Variants in KLF12 observed in about 807,000 individuals in gnomAD.
KLF12 encodes KLF transcription factor 12.
Under a neutral mutation model 37.8 loss-of-function variants are expected in KLF12, and 9 were observed. That is an observed-to-expected ratio of 0.24 (90% CI 0.14 to 0.42). The LOEUF (loss-of-function observed/expected upper bound fraction) is 0.42, where lower values mean the gene tolerates loss of function less well. KLF12 is among the 10% of genes least tolerant of loss of function. KLF12 has a pLI of 1.00. For missense variants in KLF12, 411 were observed against 516.0 expected (o/e 0.80, Z 1.97); for synonymous variants, 208 against 202.1 (o/e 1.03, Z -0.25).
chr13:74,164,754 G>T, the KLF12 span, among the ~76,000 whole-genome samples: 1 of 152,102 alleles, frequency 6.6e-6, no homozygotes, highest in Non-Finnish European at 1.5e-5. Flanking sequence ...CAATAAAATG[G>T]GATCATCCAG....
intron 2 of KLF12, among the ~76,000 whole-genome samples, chr13:73,961,114 C>T (rs1891010889): frequency 6.6e-6 from 1 of 152,026 alleles, no homozygotes; most frequent in Non-Finnish European, 1.5e-5. Context: ...CTTATAATCA[C>T]AACAATTAGA....
intron 1 of KLF12, among the ~76,000 whole-genome samples, chr13:74,107,307 T>G (rs1876710775): frequency 6.6e-6 from 1 of 152,212 alleles, no homozygotes; most frequent in African/African-American, 2.4e-5. Context: ...ACACATGTAT[T>G]CCCAGTTCGG....
At chr13:73,816,275 C>T (rs1883211140) in intron 4 of KLF12, among the ~76,000 whole-genome samples, 1 of 152,098 alleles carries the variant, frequency 6.6e-6, no homozygotes, top group Non-Finnish European at 1.5e-5. Context: ...CTGGCATGCC[C>T]ATTTAAAGAC....
At chr13:73,883,257 A>G (rs753695848) in intron 3 of KLF12, among the ~76,000 whole-genome samples, 15 of 152,334 alleles carry the variant, frequency 9.8e-5, no homozygotes, top group Admixed American at 2.0e-4. Context: ...AGTTATTTGC[A>G]TGAGAAAAAA....
intron 1 of KLF12, among the ~76,000 whole-genome samples, chr13:74,051,540 C>G (rs1229232105): frequency 6.6e-6 from 1 of 152,050 alleles, no homozygotes; most frequent in Non-Finnish European, 1.5e-5. Flanking sequence ...AGTGAAACAG[C>G]AGAGGTGTCT....
intron 3 of KLF12, among the ~76,000 whole-genome samples, chr13:73,870,491 A>C (rs929956946): frequency 6.6e-6 from 1 of 152,200 alleles, no homozygotes; most frequent in Admixed American, 6.5e-5. Flanking sequence ...ATTCTGACAT[A>C]GAGATAAAAA....
intron 4 of KLF12, among the ~76,000 whole-genome samples, chr13:73,832,829 C>A (rs1367343505): frequency 1.3e-5 from 2 of 152,128 alleles, no homozygotes; most frequent in East Asian, 3.9e-4. Context: ...CTACAAACAC[C>A]AAAAACTGAT....
chr13:73,770,253 GATGATTTAGGTTACTCTAGATGTT>G (rs1880183767), intron 5 of KLF12, among the ~76,000 whole-genome samples: 1 of 152,050 alleles, frequency 6.6e-6, no homozygotes. Flanking sequence ...AAGTTCTCCT[GATGATTTAGGTTACTCTAGATGTT>G]ATTTTAATAT....
intron 1 of KLF12, among the ~76,000 whole-genome samples, chr13:74,112,217 T>C (rs892769211): frequency 4.0e-5 from 6 of 151,824 alleles, no homozygotes; most frequent in Admixed American, 6.6e-5. Flanking sequence ...TGTGTGTGTG[T>C]GTGTGTATGA....
chr13:73,735,700 A>G (rs764973532), intron 6 of KLF12, among the ~76,000 whole-genome samples: 6 of 152,246 alleles, frequency 3.9e-5, no homozygotes, highest in Non-Finnish European at 8.8e-5. Context: ...ATGGTAGCTC[A>G]TCTTCATCAA....
chr13:74,048,663 A>G (rs1893609796), intron 1 of KLF12, among the ~76,000 whole-genome samples: 1 of 152,200 alleles, frequency 6.6e-6, no homozygotes. Context: ...GAAACCCAAC[A>G]AAGCCCTGGT....
At chr13:74,266,906 A>C in the KLF12 span, among the ~76,000 whole-genome samples, 1 of 152,302 alleles carries the variant, frequency 6.6e-6, no homozygotes, top group Non-Finnish European at 1.5e-5. Context: ...AGAAGCTTAG[A>C]AGTAACAAGA....
chr13:74,248,334 G>A, the KLF12 span, among the ~76,000 whole-genome samples: 1 of 152,164 alleles, frequency 6.6e-6, no homozygotes, highest in Admixed American at 6.5e-5. Flanking sequence ...CTCTGCTGAT[G>A]CTTGGATGCA....
intron 2 of KLF12, among the ~76,000 whole-genome samples, chr13:73,973,974 C>A (rs923934713): frequency 6.6e-6 from 1 of 151,916 alleles, no homozygotes; most frequent in Non-Finnish European, 1.5e-5. Context: ...ACAATAAAAA[C>A]AGCATGGAAA....
the KLF12 span, among the ~76,000 whole-genome samples, chr13:74,175,103 C>T: frequency 6.6e-6 from 1 of 152,184 alleles, no homozygotes; most frequent in African/African-American, 2.4e-5. Context: ...GGAAATTAAT[C>T]TTGCTTCCAT....
At chr13:74,256,804 A>T in the KLF12 span, 1 of 152,090 alleles carries the variant, frequency 6.6e-6, no homozygotes, top group African/African-American at 2.4e-5. Context: ...TCCCGATTTT[A>T]ATCACTGTTT....
intron 7 of KLF12, among the ~76,000 whole-genome samples, chr13:73,710,197 T>C (rs1332923815): frequency 6.6e-6 from 1 of 152,164 alleles, no homozygotes; most frequent in Non-Finnish European, 1.5e-5. Flanking sequence ...CAACATGGCA[T>C]GTTTAGGTTT....
chr13:73,836,385 G>A (rs1386482656), intron 4 of KLF12, among the ~76,000 whole-genome samples: 1 of 152,150 alleles, frequency 6.6e-6, no homozygotes, highest in East Asian at 1.9e-4. Context: ...CAGCCACAGA[G>A]TTGTAAATTA....
intron 1 of KLF12, among the ~76,000 whole-genome samples, chr13:74,028,826 G>C (rs1284495078): frequency 1.7e-5 from 1 of 59,874 alleles, no homozygotes; most frequent in East Asian, 5.0e-4. Context: ...AAGAAAAAGA[G>C]AAAGAATTTT....
Sources: allele counts gnomAD v4.1 joint callset (sites outside exome capture counted in the v4.1 genomes callset), GRCh38; gene constraint gnomAD v4.1.1; transcripts MANE v1.5; gene names NCBI Gene and HGNC (gene_info 2026-07-23, HGNC 2026-07-21).